Variants in SIPA1L3 observed in about 807,000 individuals in gnomAD.
SIPA1L3 encodes signal-induced proliferation-associated 1-like protein 3.
In SIPA1L3, 59 loss-of-function variants were observed where a neutral mutation model predicts 150.1. That is an observed-to-expected ratio of 0.39 (90% CI 0.32 to 0.49). SIPA1L3 has a LOEUF of 0.49. Among genes scored for constraint, SIPA1L3 ranks in the 20% least tolerant of loss-of-function variants. The pLI, the probability that SIPA1L3 is intolerant of heterozygous loss-of-function variation, is 0.86. For synonymous variants in SIPA1L3, 1,070 were observed against 1,077.6 expected, an observed-to-expected ratio of 0.99 and a Z score of 0.14; for missense variants, 2,211 against 2,489.5, an observed-to-expected ratio of 0.89 and a Z score of 2.38.
At chr19:38,146,060 C>T (rs1174933649) in intron 12 of SIPA1L3, among the ~76,000 whole-genome samples, 1 of 152,172 alleles carries the variant, frequency 6.6e-6, no homozygotes, top group Non-Finnish European at 1.5e-5. Context: ...GACAAGGTCT[C>T]GCTGTGTTGC....
intron 9 of SIPA1L3, among the ~76,000 whole-genome samples, chr19:38,123,779 G>A (rs911557210): frequency 2.0e-5 from 3 of 151,808 alleles, no homozygotes; most frequent in African/African-American, 7.3e-5. Flanking sequence ...GAGCTGATGG[G>A]TACACCTCCC....
intron 1 of SIPA1L3, among the ~76,000 whole-genome samples, chr19:37,981,422 C>CAA (rs774199467): frequency 4.8e-4 from 35 of 72,510 alleles, no homozygotes; most frequent in Middle Eastern, 9.6e-3. Context: ...GACCCTGTCT[C>CAA]AAAAAAAAAA....
chr19:38,118,269 T>C (rs1673249517), intron 8 of SIPA1L3, among the ~76,000 whole-genome samples: 1 of 151,814 alleles, frequency 6.6e-6, no homozygotes, highest in Non-Finnish European at 1.5e-5. Context: ...TTACAAAAAA[T>C]ACAAAATTAC....
intron 1 of SIPA1L3, among the ~76,000 whole-genome samples, chr19:38,005,580 C>T (rs1465579583): frequency 6.6e-6 from 1 of 152,206 alleles, no homozygotes; most frequent in East Asian, 1.9e-4. Flanking sequence ...CCCTTCTTCC[C>T]TGAGCTACTC....
intron 1 of SIPA1L3, among the ~76,000 whole-genome samples, chr19:38,023,356 G>A (rs1355015618): frequency 6.6e-6 from 1 of 152,186 alleles, no homozygotes; most frequent in Non-Finnish European, 1.5e-5. Flanking sequence ...AAAAGAACCA[G>A]CGCTAAATCA....
chr19:38,098,300 A>G (rs1321789392), intron 4 of SIPA1L3, among the ~76,000 whole-genome samples: 1 of 151,828 alleles, frequency 6.6e-6, no homozygotes, highest in African/African-American at 2.4e-5. Context: ...CTCTTTCCTC[A>G]TGATTGCAAT....
chr19:37,937,107 C>T (rs958768193), intron 1 of SIPA1L3, among the ~76,000 whole-genome samples: 2 of 152,208 alleles, frequency 1.3e-5, no homozygotes, highest in African/African-American at 4.8e-5. Context: ...AAGTGATCCT[C>T]CTGCCTTGGC....
At chr19:37,986,341 TTTTAACTC>T (rs1171024514) in intron 1 of SIPA1L3, among the ~76,000 whole-genome samples, 1 of 152,242 alleles carries the variant, frequency 6.6e-6, no homozygotes, top group African/African-American at 2.4e-5. Flanking sequence ...CACCTTCCAA[TTTTAACTC>T]GAGGTGAGAT....
At chr19:37,926,659 C>T (rs987051759) in intron 1 of SIPA1L3, among the ~76,000 whole-genome samples, 3 of 152,152 alleles carry the variant, frequency 2.0e-5, no homozygotes, top group Middle Eastern at 3.4e-3. Context: ...ACTTGCAAGT[C>T]GTTGTGGAAC....
chr19:38,119,185 G>A, intron 8 of SIPA1L3, 121 bp from the exon 9 acceptor site: 1 of 954,408 alleles, frequency 1.0e-6, no homozygotes. Context: ...GACAGAGTGA[G>A]ACCTGTCTCG....
At chr19:38,044,223 G>A (rs1968996735) in intron 2 of SIPA1L3, among the ~76,000 whole-genome samples, 1 of 152,194 alleles carries the variant, frequency 6.6e-6, no homozygotes, top group Admixed American at 6.5e-5. Flanking sequence ...TCAGAGACGT[G>A]GCTGAGTCTG....
chr19:38,197,161 A>G (rs1427927419), intron 18 of SIPA1L3, among the ~76,000 whole-genome samples: 1 of 151,990 alleles, frequency 6.6e-6, no homozygotes, highest in Non-Finnish European at 1.5e-5. Context: ...AGGCTGTGAG[A>G]TGATCTCCCT....
At chr19:37,916,357 A>G (rs929348570) in intron 1 of SIPA1L3, among the ~76,000 whole-genome samples, 1 of 151,958 alleles carries the variant, frequency 6.6e-6, no homozygotes, top group Non-Finnish European at 1.5e-5. Context: ...TAAATTAGCC[A>G]GGCTTGGTGA....
chr19:38,162,190 A>T, intron 13 of SIPA1L3, 63 bp from the exon 14 acceptor site: 1 of 1,333,724 alleles, frequency 7.5e-7, no homozygotes, highest in Non-Finnish European at 1.1e-6. Context: ...CAAAGGGTCC[A>T]GATTCTTCAG....
chr19:38,088,269 T>C (rs1324934603), intron 3 of SIPA1L3, among the ~76,000 whole-genome samples: 1 of 152,218 alleles, frequency 6.6e-6, no homozygotes, highest in African/African-American at 2.4e-5. Context: ...AGCCCAGGTG[T>C]GAGGAGGCTC....
chr19:37,998,555 G>A (rs570137297), intron 1 of SIPA1L3, among the ~76,000 whole-genome samples: 2 of 152,328 alleles, frequency 1.3e-5, no homozygotes, highest in Non-Finnish European at 2.9e-5. Context: ...ACCAAGGTGG[G>A]AGGATTGCTT....
chr19:38,003,758 C>G (rs1243313922), intron 1 of SIPA1L3, among the ~76,000 whole-genome samples: 1 of 152,204 alleles, frequency 6.6e-6, no homozygotes, highest in African/African-American at 2.4e-5. Flanking sequence ...TCTCTCGGGA[C>G]TGTGCCAGCG....
intron 9 of SIPA1L3, among the ~76,000 whole-genome samples, chr19:38,122,343 C>G (rs1971040657): frequency 6.6e-6 from 1 of 152,310 alleles, no homozygotes; most frequent in Admixed American, 6.5e-5. Context: ...CGACTCCATC[C>G]CTCCATTTGC....
rs551633325 is a variant in SIPA1L3 at position 38,083,054 on chromosome 19, G to A, written c.1489G>A (p.Val497Met). ...SRPRQYSIEH[V>M]DLGARYYQDY... The stretch of plus-strand genomic sequence containing the variant: ...GCCCCGGCAGTACAGCATCGAGCAT[G>A]TGGACCTGGGCGCCCGCTACTACCA... Residue 497 changes from valine (V) to methionine (M), a missense_variant, in exon 3 of 22, where the codon GTG becomes ATG. Physicochemically the swap from Val to Met is conservative, Grantham distance 21. This residue lies in a region of SIPA1L3 where 625 missense variants were observed against 804.2 expected (regional missense o/e 0.78). Coordinates refer to ENST00000222345, the MANE Select transcript of SIPA1L3 (RefSeq NM_015073.3). 47 of 1,612,758 alleles carry A rather than the reference G, an allele frequency of 2.9e-5. No individual in the cohort carries two copies. Among genetic ancestry groups the A allele is most frequent in the Non-Finnish European group, 3.9e-5 (46 of 1,180,010 alleles).
Sources: allele counts gnomAD v4.1 joint callset (sites outside exome capture counted in the v4.1 genomes callset), GRCh38; gene constraint gnomAD v4.1.1; regional missense constraint gnomAD v4.1.1; transcripts MANE v1.5; gene names NCBI Gene and HGNC (gene_info 2026-07-23, HGNC 2026-07-21).